The following RORA variants were observed in gnomAD, a reference collection of about 807,000 sequenced individuals.
RORA encodes the protein RAR related orphan receptor A, also known as nuclear receptor ROR-alpha.
A neutral mutation model predicts 69.5 loss-of-function variants in RORA; 7 were observed. The observed-to-expected ratio is 0.10, with a 90% CI of 0.06 to 0.19. RORA has a LOEUF of 0.19. Among genes scored for constraint, RORA ranks in the 10% least tolerant of loss-of-function variants. The probability of loss-of-function intolerance (pLI) is 1.00; values close to 1 mark genes in which losing one functional copy is unlikely to be tolerated. For missense variants in RORA, 457 were observed against 663.0 expected (o/e 0.69, Z 3.41); for synonymous variants, 261 against 240.8 (o/e 1.08, Z -0.78).
At chr15:60,516,924 TA>T (rs984383895) in intron 3 of RORA, among the ~76,000 whole-genome samples, 1 of 152,030 alleles carries the variant, frequency 6.6e-6, no homozygotes, top group African/African-American at 2.4e-5. Flanking sequence ...TAAAAGGTGA[TA>T]AAAATATACC....
In RORA at chr15:61,223,142, C is replaced by A. The variant is rs544892562; in HGVS notation, c.166+5911G>T. 2.4e-4 allele frequency among the ~76,000 whole-genome samples: 36 copies of A among 151,902 alleles called. No individual in the cohort carries two copies. In the East Asian group the frequency reaches 6.6e-3, roughly 28 times the overall value. Reference sequence around the variant, plus strand: ...CAGCCTGGGCAACATGGTGAAACCCCGTCTCTACTAAAACACAAAAAATTA... The same window carrying A: ...CAGCCTGGGCAACATGGTGAAACCCAGTCTCTACTAAAACACAAAAAATTA... On this transcript the variant is annotated intron_variant, in intron 1 of 10. Transcript: ENST00000335670.
intron 1 of RORA, among the ~76,000 whole-genome samples, chr15:61,056,031 T>G (rs183552612): frequency 6.6e-6 from 1 of 152,220 alleles, no homozygotes; most frequent in Non-Finnish European, 1.5e-5. Flanking sequence ...AATATTCAAT[T>G]AATCAGCTAT....
At chr15:61,153,715 T>C (rs2079417541) in intron 1 of RORA, among the ~76,000 whole-genome samples, 1 of 152,268 alleles carries the variant, frequency 6.6e-6, no homozygotes, top group Non-Finnish European at 1.5e-5. Context: ...GACTCTTCTC[T>C]ATTGCTACAT....
intron 6 of RORA, among the ~76,000 whole-genome samples, chr15:60,504,150 T>C (rs1260391037): frequency 6.6e-6 from 1 of 152,148 alleles, no homozygotes; most frequent in Non-Finnish European, 1.5e-5. Context: ...TAACACCACT[T>C]TACTTTGGGG....
chr15:60,561,405 GA>G (rs1484665112), intron 2 of RORA, among the ~76,000 whole-genome samples: 1 of 151,656 alleles, frequency 6.6e-6, no homozygotes, highest in Admixed American at 6.6e-5. Flanking sequence ...TAAATATGGA[GA>G]ATGCAAAATA....
rs2065886815 is a variant in RORA at position 60,516,013 on chromosome 15, A to ATATATT, written c.283-1257_283-1256insAATATA. The stretch of plus-strand genomic sequence containing the variant: ...TATTTATATATATTTATATATATTT[A>ATATATT]TATATATTTATATATTTATATATAT... On this transcript the variant is annotated intron_variant, in intron 3 of 10. Transcript: ENST00000335670. Among the ~76,000 whole-genome samples the ATATATT allele has an allele frequency of 2.7e-4, 5 of 18,284 alleles. 1 individual carries two copies. Among genetic ancestry groups the ATATATT allele is most frequent in the Non-Finnish European group, 4.1e-4 (4 of 9,784 alleles). 12.0% of individuals were successfully genotyped at this position (18,284 alleles called of 152,430 possible).
chr15:61,206,173 ATACT>A (rs10575663), intron 1 of RORA, among the ~76,000 whole-genome samples: 127,618 of 151,640 alleles, frequency 0.84, 55,660 homozygotes, highest in Non-Finnish European at 0.97. Flanking sequence ...GATGCAGATA[ATACT>A]TTATTTAATC....
intron 1 of RORA, among the ~76,000 whole-genome samples, chr15:60,823,196 C>G (rs1042699085): frequency 6.6e-6 from 1 of 151,468 alleles, no homozygotes; most frequent in African/African-American, 2.4e-5. Context: ...CTTCCTTCCT[C>G]CCTTCCTTTC....
In RORA at chr15:60,503,602, C is replaced by T; in HGVS notation, c.1008G>A (p.Glu336=). 1.9e-6 allele frequency: 3 copies of T among 1,614,128 alleles called. No homozygotes were observed. The highest frequency in any genetic ancestry group is 2.5e-6 in the Non-Finnish European group (3 of 1,180,002). ...KITEAIQYVV[E]FAKRIDGFME... is the part of the protein sequence containing the mutation. Reference sequence around the variant, plus strand: ...TAAATCCATCAATGCGTTTGGCAAACTCCACCACATACTGTATAGCTTCTG... The same window carrying T: ...TAAATCCATCAATGCGTTTGGCAAATTCCACCACATACTGTATAGCTTCTG... The change falls in exon 7 of 11, where the codon GAG becomes GAA. Residue 336 remains glutamate, a synonymous_variant. Coordinates refer to ENST00000335670, the MANE Select transcript of RORA (RefSeq NM_134261.3).
At chr15:61,043,776 G>A (rs73424342) in intron 1 of RORA, among the ~76,000 whole-genome samples, 1,774 of 152,244 alleles carry the variant, frequency 0.012, 36 homozygotes, top group African/African-American at 0.04. Flanking sequence ...GAAGCAAAGG[G>A]TTTTATTTTT....
At chr15:60,803,448 C>T (rs1242978006) in intron 1 of RORA, among the ~76,000 whole-genome samples, 1 of 152,216 alleles carries the variant, frequency 6.6e-6, no homozygotes, top group Non-Finnish European at 1.5e-5. Context: ...AGGAAATACT[C>T]AACAAGTCCA....
intron 1 of RORA, among the ~76,000 whole-genome samples, chr15:60,960,675 C>G (rs1050049693): frequency 2.0e-5 from 3 of 150,798 alleles, no homozygotes; most frequent in African/African-American, 7.3e-5. Flanking sequence ...ACAGTTTTCC[C>G]TCTTTCCTAC....
chr15:60,908,448 T>C (rs1402712139), intron 1 of RORA, among the ~76,000 whole-genome samples: 1 of 152,176 alleles, frequency 6.6e-6, no homozygotes, highest in Non-Finnish European at 1.5e-5. Context: ...AGAAGGCACC[T>C]CTGGAGAGAC....
intron 2 of RORA, chr15:60,627,274 G>A: frequency 6.2e-7 from 1 of 1,614,056 alleles, no homozygotes; most frequent in Non-Finnish European, 8.5e-7. Flanking sequence ...GGGTGTGGCA[G>A]ACATTCTGGC....
Position 60,494,878 on chromosome 15 carries a change from C to CTTT in RORA, c.*2574_*2576dup, listed in dbSNP as rs1325112887. On this transcript the variant is annotated 3_prime_UTR_variant, in exon 11 of 11. Transcript: ENST00000335670. ...GAATCCCTTCTGGGAAAAGGAATTTCTTTTTAAGTTCATCATTATGTTCTC... is the reference window on the plus strand; with the variant it reads ...GAATCCCTTCTGGGAAAAGGAATTTCTTTTTTTTAAGTTCATCATTATGTTCTC... The CTTT allele has an allele frequency of 6.6e-6, 1 of 152,160 alleles. No individual in the cohort carries two copies. Among genetic ancestry groups the CTTT allele is most frequent in the Non-Finnish European group, 1.5e-5 (1 of 68,020 alleles). The allele number at this position is 152,160 out of a possible 1,614,324, so 9.4% of individuals were successfully genotyped here. A position where few individuals can be genotyped will look rare whatever the true frequency, so the allele number is the denominator to read the frequency against.
chr15:60,543,096 A>G (rs1802326559), intron 2 of RORA, among the ~76,000 whole-genome samples: 1 of 148,676 alleles, frequency 6.7e-6, no homozygotes, highest in South Asian at 2.2e-4. Context: ...CGGAAAGGAT[A>G]CACAGAACCC....
At chr15:60,929,844 G>A (rs1428574464) in intron 1 of RORA, among the ~76,000 whole-genome samples, 3 of 152,142 alleles carry the variant, frequency 2.0e-5, no homozygotes, top group African/African-American at 7.2e-5. Flanking sequence ...ATACGGACCT[G>A]GGAAGTCTAG....
chr15:60,756,429 A>C (rs889185891), intron 1 of RORA, among the ~76,000 whole-genome samples: 1 of 152,228 alleles, frequency 6.6e-6, no homozygotes, highest in Non-Finnish European at 1.5e-5. Flanking sequence ...TAAAATTTGA[A>C]AAGTTTATAA....
At chr15:60,861,859 C>G (rs956648040) in intron 1 of RORA, among the ~76,000 whole-genome samples, 1 of 152,184 alleles carries the variant, frequency 6.6e-6, no homozygotes, top group African/African-American at 2.4e-5. Flanking sequence ...AGCATCATGA[C>G]ACTAAAAGTT....
Sources: gnomAD v4.1 joint callset for allele counts (sites outside exome capture counted in the v4.1 genomes callset) on GRCh38, gnomAD v4.1.1 for gene constraint, MANE v1.5 for transcripts, NCBI Gene and HGNC (gene_info 2026-07-23, HGNC 2026-07-21) for gene names.